The following KDM4D variants were observed in gnomAD, a reference collection of about 807,000 sequenced individuals.
KDM4D encodes the protein lysine-specific demethylase 4D.
For missense variants in KDM4D, 427 were observed against 674.8 expected, an observed-to-expected ratio of 0.63 and a Z score of 4.07; for synonymous variants, 254 against 249.1, an observed-to-expected ratio of 1.02 and a Z score of -0.19.
chr11:94,988,227 T>C (rs1054444958), intron 2 of KDM4D, among the ~76,000 whole-genome samples: 2 of 152,218 alleles, frequency 1.3e-5, no homozygotes, highest in Non-Finnish European at 2.9e-5. Context: ...GAAGGTAGAA[T>C]TCAGCAGAAC....
chr11:94,994,227 C>A (rs1555099002), intron 2 of KDM4D, among the ~76,000 whole-genome samples: 1 of 152,142 alleles, frequency 6.6e-6, no homozygotes, highest in Non-Finnish European at 1.5e-5. Flanking sequence ...TACGATAACA[C>A]ATTATTGCCC....
In KDM4D at chr11:94,997,829, A is replaced by C; in HGVS notation, c.457A>C (p.Asn153His). The change falls in exon 3 of 3, where the codon AAT becomes CAT. Residue 153 changes from asparagine (N) to histidine (H), a missense_variant. By Grantham distance (68) the Asn-to-His change is moderately conservative. Transcript: ENST00000335080. ...GTTTGATGAAAACACTAAACAATGGAATCTTGGGCACCTGGGAACAATTCA... is the reference window on the plus strand; with the variant it reads ...GTTTGATGAAAACACTAAACAATGGCATCTTGGGCACCTGGGAACAATTCA... Reference protein sequence around the residue: ...SLFDENTKQWNLGHLGTIQDL... With the variant: ...SLFDENTKQWHLGHLGTIQDL... 1 of 1,614,234 alleles carries C rather than the reference A, an allele frequency of 6.2e-7. No individual in the cohort carries two copies. The highest frequency in any genetic ancestry group is 8.5e-7 in the Non-Finnish European group (1 of 1,180,042).
Position 94,999,209 on chromosome 11 carries a change from TTGTG to T in KDM4D, c.*270_*273del. On this transcript the variant is annotated 3_prime_UTR_variant, in exon 3 of 3. Coordinates refer to ENST00000335080, the MANE Select transcript of KDM4D (RefSeq NM_018039.3). ...CTGAGGTTTTATCCACTGGACACAT[TTGTG>T]TGTGAGAACTAGGTCTTGTTGAGGT... 6.4e-6 allele frequency: 2 copies of T among 310,908 alleles called. No homozygotes were observed. The highest frequency in any genetic ancestry group is 1.2e-5 in the Non-Finnish European group (2 of 160,078). 19.3% of individuals were successfully genotyped at this position (310,908 alleles called of 1,614,324 possible).
intron 2 of KDM4D, among the ~76,000 whole-genome samples, chr11:94,985,742 A>G (rs2134111749): frequency 6.6e-6 from 1 of 152,362 alleles, no homozygotes; most frequent in African/African-American, 2.4e-5. Context: ...TCAATGGAAT[A>G]GAATTGAAAG....
At chr11:94,988,175 A>T (rs1857904284) in intron 2 of KDM4D, among the ~76,000 whole-genome samples, 1 of 152,206 alleles carries the variant, frequency 6.6e-6, no homozygotes, top group Admixed American at 6.5e-5. Flanking sequence ...GAGAGTAAAG[A>T]CAGATTACAA....
chr11:94,998,816 A>C lies in KDM4D; in HGVS notation c.1444A>C (p.Thr482Pro). Residue 482 changes from threonine (T) to proline (P), a missense_variant, in exon 3 of 3, where the codon ACA (threonine) becomes CCA (proline). Thr to Pro is a conservative substitution (Grantham distance 38, BLOSUM62 -1). Transcript: ENST00000335080. The surrounding 1 kb of genome is among the most constrained non-coding windows in gnomAD (Gnocchi z 6.7). Reference protein sequence around the residue: ...KRPLLAGTTCTASGPEPEPLP... With the variant: ...KRPLLAGTTCPASGPEPEPLP... The stretch of plus-strand genomic sequence containing the variant: ...GCCCCTCTTGGCGGGCACAACATGC[A>C]CAGCTTCGGGCCCAGAACCTGAGCC... 6.3e-7 allele frequency: 1 copy of C among 1,599,828 alleles called. No homozygotes were observed. Among genetic ancestry groups the C allele is most frequent in the Non-Finnish European group, 8.5e-7 (1 of 1,170,958 alleles).
intron 2 of KDM4D, among the ~76,000 whole-genome samples, chr11:94,983,737 AACAACT>A (rs1218180247): frequency 4.6e-5 from 7 of 152,142 alleles, no homozygotes; most frequent in Admixed American, 6.5e-5. Context: ...CAACAACAAC[AACAACT>A]ACAATAATAA....
At chr11:94,995,578 G>A (rs1857969088) in intron 2 of KDM4D, among the ~76,000 whole-genome samples, 1 of 152,154 alleles carries the variant, frequency 6.6e-6, no homozygotes, top group Non-Finnish European at 1.5e-5. Flanking sequence ...ACAGTTTGAA[G>A]TTGAATAATA....
At chr11:94,995,597 T>C (rs117831992) in intron 2 of KDM4D, among the ~76,000 whole-genome samples, 1,542 of 152,152 alleles carry the variant, frequency 0.01, 14 homozygotes, top group South Asian at 0.044. Flanking sequence ...TAGCATAAAG[T>C]CAAAACTCAG....
At chr11:94,996,739 A>G (rs970051638) in intron 2 of KDM4D, among the ~76,000 whole-genome samples, 3 of 152,174 alleles carry the variant, frequency 2.0e-5, no homozygotes, top group Non-Finnish European at 1.5e-5. Context: ...AACCATACAC[A>G]TTTCCTAGGC....
intron 2 of KDM4D, among the ~76,000 whole-genome samples, chr11:94,984,683 C>A (rs191031559): frequency 1.4e-5 from 2 of 147,638 alleles, no homozygotes; most frequent in East Asian, 3.9e-4. Flanking sequence ...TGGTGAAACC[C>A]CATCTCTACT....
At chr11:94,982,806 C>G (rs963936171) in intron 2 of KDM4D, among the ~76,000 whole-genome samples, 3 of 151,878 alleles carry the variant, frequency 2.0e-5, no homozygotes, top group Middle Eastern at 3.2e-3. Flanking sequence ...AAAACAGATT[C>G]ATTATCTTTT....
intron 2 of KDM4D, among the ~76,000 whole-genome samples, chr11:94,991,554 A>G (rs587649310): frequency 6.6e-6 from 1 of 152,266 alleles, no homozygotes; most frequent in East Asian, 1.9e-4. Context: ...AGGAACTCTC[A>G]GGTAACAGAA....
intron 2 of KDM4D, among the ~76,000 whole-genome samples, chr11:94,993,718 AT>A (rs1455432073): frequency 1.3e-5 from 2 of 152,080 alleles, no homozygotes; most frequent in Non-Finnish European, 2.9e-5. Context: ...ATTCAAAAAA[AT>A]ATATAGGTTT....
intron 2 of KDM4D, among the ~76,000 whole-genome samples, chr11:94,977,700 C>G (rs1290368020): frequency 2.0e-5 from 3 of 151,994 alleles, no homozygotes; most frequent in African/African-American, 7.2e-5. Context: ...TTATCATCTT[C>G]CATGACCCTA....
At chr11:94,994,751 G>A (rs1857962503) in intron 2 of KDM4D, among the ~76,000 whole-genome samples, 1 of 150,932 alleles carries the variant, frequency 6.6e-6, no homozygotes, top group South Asian at 2.1e-4. Context: ...GGAGAACAAT[G>A]TCAGTAGAAA....
At chr11:94,983,162 G>A (rs1857856022) in intron 2 of KDM4D, among the ~76,000 whole-genome samples, 1 of 151,764 alleles carries the variant, frequency 6.6e-6, no homozygotes, top group South Asian at 2.1e-4. Context: ...ATAAATAAAT[G>A]GACCAGATGA....
chr11:94,975,240 CTT>C (rs1555096858), intron 1 of KDM4D, among the ~76,000 whole-genome samples: 1 of 152,178 alleles, frequency 6.6e-6, no homozygotes, highest in Non-Finnish European at 1.5e-5. Flanking sequence ...CCCTCCAACA[CTT>C]GTGTTTGTAC....
rs1555099391 is a variant in KDM4D, at chr11:94,997,708, T to G, written c.336T>G (p.Thr112=). The G allele has an allele frequency of 6.2e-7, 1 of 1,614,138 alleles. No individual in the cohort carries two copies. The highest frequency in any genetic ancestry group is 1.7e-5 in the Admixed American group (1 of 60,022). Residue 112 remains threonine (T), a synonymous_variant, in exon 3 of 3, where the codon ACT becomes ACG. Coordinates refer to ENST00000335080, the MANE Select transcript of KDM4D (RefSeq NM_018039.3). ...RHLANSKKYQ[T]PPHQNFEDLE... is the part of the protein sequence containing the mutation. ...TGGCAAACAGTAAAAAATATCAGACTCCACCACACCAGAATTTCGAAGATT... is the reference window on the plus strand; with the variant it reads ...TGGCAAACAGTAAAAAATATCAGACGCCACCACACCAGAATTTCGAAGATT...
Sources: gnomAD v4.1 joint callset for allele counts (sites outside exome capture counted in the v4.1 genomes callset) on GRCh38, gnomAD v4.1.1 for gene constraint, Gnocchi (gnomAD v3.1) non-coding constraint, MANE v1.5 for transcripts, NCBI Gene and HGNC (gene_info 2026-07-23, HGNC 2026-07-21) for gene names.